Variants in PDGFC observed in about 807,000 individuals in gnomAD.
PDGFC encodes platelet derived growth factor C, also known as platelet-derived growth factor C.
Under a neutral mutation model 35.5 loss-of-function variants are expected in PDGFC, and 12 were observed. The observed-to-expected ratio is 0.34, with a 90% confidence interval of 0.22 to 0.55. The LOEUF is 0.55. PDGFC is among the 20% of genes least tolerant of loss of function. The probability of loss-of-function intolerance (pLI) is 0.91; values close to 1 mark genes in which losing one functional copy is unlikely to be tolerated. For missense variants in PDGFC, 322 were observed against 412.4 expected, an observed-to-expected ratio of 0.78 and a Z score of 1.90; for synonymous variants, 159 against 148.8, an observed-to-expected ratio of 1.07 and a Z score of -0.50.
At chr4:156,887,184 G>T (rs1730395983) in intron 1 of PDGFC, among the ~76,000 whole-genome samples, 1 of 152,112 alleles carries the variant, frequency 6.6e-6, no homozygotes, top group Non-Finnish European at 1.5e-5. Context: ...CATTCAGGAT[G>T]TTATATCATA....
chr4:156,765,321 CA>C, intron 5 of PDGFC, among the ~76,000 whole-genome samples: 1 of 152,202 alleles, frequency 6.6e-6, no homozygotes, highest in African/African-American at 2.4e-5. Context: ...GGCTAATGTT[CA>C]TCTCAGAAAA....
At chr4:156,863,430 C>T (rs1183686200) in intron 1 of PDGFC, among the ~76,000 whole-genome samples, 1 of 152,100 alleles carries the variant, frequency 6.6e-6, no homozygotes, top group Non-Finnish European at 1.5e-5. Context: ...TCAACTCAGC[C>T]CACTGAGTGT....
At chr4:156,852,356 C>T (rs140482899) in intron 1 of PDGFC, among the ~76,000 whole-genome samples, 81 of 152,184 alleles carry the variant, frequency 5.3e-4, no homozygotes, top group Admixed American at 1.8e-3. Context: ...TATGAAATGA[C>T]GACATTTCAG....
chr4:156,876,364 A>G lies in PDGFC; in HGVS notation c.119-25948T>C, dbSNP rs564515862. On this transcript the variant is annotated intron_variant, in intron 1 of 5. Coordinates refer to ENST00000502773, the MANE Select transcript of PDGFC (RefSeq NM_016205.3). Reference sequence around the variant, plus strand: ...AAAGATGTGTTTCCTTATTGAAAAAAGTTACTTGATCATTTGGACTATTGA... The same window carrying G: ...AAAGATGTGTTTCCTTATTGAAAAAGGTTACTTGATCATTTGGACTATTGA... 9.2e-5 allele frequency: 14 copies of G among 152,092 alleles called. No individual in the cohort carries two copies. The South Asian group carries it at 2.3e-3, about 25-fold the overall frequency. The allele number at this position is 152,092 out of a possible 1,614,324, so 9.4% of individuals were successfully genotyped here. A position where few individuals can be genotyped will look rare whatever the true frequency, so the allele number is the denominator to read the frequency against.
intron 2 of PDGFC, among the ~76,000 whole-genome samples, chr4:156,843,354 T>C (rs142894985): frequency 6.6e-6 from 1 of 152,242 alleles, no homozygotes; most frequent in Non-Finnish European, 1.5e-5. Context: ...CTGTGCTTTA[T>C]AAGCCACCCA....
chr4:156,881,912 C>T (rs1730253380), intron 1 of PDGFC, among the ~76,000 whole-genome samples: 1 of 151,260 alleles, frequency 6.6e-6, no homozygotes, highest in African/African-American at 2.4e-5. Context: ...ACATGACTTA[C>T]TCCTGCTTGC....
In PDGFC at chr4:156,912,639, G is replaced by A. The variant is rs895600616; in HGVS notation, c.118+58147C>T. Among the ~76,000 whole-genome samples, 12 of 152,058 alleles carry A rather than the reference G, an allele frequency of 7.9e-5. No individual in the cohort carries two copies. In the South Asian group the frequency reaches 1.7e-3, roughly 21 times the overall value. On this transcript the variant is annotated intron_variant, in intron 1 of 5. Transcript: ENST00000502773. ...TCTAGAAGTCCACTATGAATTAAGC[G>A]GGTTTCCTATGTCTACTTGAGATTT...
intron 2 of PDGFC, among the ~76,000 whole-genome samples, chr4:156,848,874 T>G (rs1729387122): frequency 6.6e-6 from 1 of 151,966 alleles, no homozygotes; most frequent in Non-Finnish European, 1.5e-5. Flanking sequence ...GAACTGGAAC[T>G]CTAGGAGAAA....
At chr4:156,847,916 T>C (rs1189299594) in intron 2 of PDGFC, among the ~76,000 whole-genome samples, 1 of 151,546 alleles carries the variant, frequency 6.6e-6, no homozygotes, top group Non-Finnish European at 1.5e-5. Flanking sequence ...AGACTACATA[T>C]AGAAACCCGA....
chr4:156,916,243 G>A (rs546263591), intron 1 of PDGFC, among the ~76,000 whole-genome samples: 1 of 152,194 alleles, frequency 6.6e-6, no homozygotes, highest in African/African-American at 2.4e-5. Flanking sequence ...AGACCCTGTT[G>A]CAAAAGGGCC....
Position 156,832,038 on chromosome 4 carries a change from A to T in PDGFC, c.314+18183T>A, listed in dbSNP as rs72974687. On this transcript the variant is annotated intron_variant, in intron 2 of 5. Coordinates refer to ENST00000502773, the MANE Select transcript of PDGFC (RefSeq NM_016205.3). ...ACTTCAAATAGTTTTCTCTTTTAAA[A>T]TTTTTTTTCTAGTTTCTCTCTTAAT... Among the ~76,000 whole-genome samples, 714 of 151,690 alleles carry T rather than the reference A, an allele frequency of 4.7e-3. 5 individuals carry two copies. Among genetic ancestry groups the T allele is most frequent in the African/African-American group, 0.016 (662 of 41,384 alleles).
At chr4:156,860,542 A>G (rs1057182014) in intron 1 of PDGFC, among the ~76,000 whole-genome samples, 2 of 152,164 alleles carry the variant, frequency 1.3e-5, no homozygotes, top group Non-Finnish European at 2.9e-5. Flanking sequence ...AGATATGAAC[A>G]AACACCTGAC....
chr4:156,971,578 T>C lies in PDGFC; in HGVS notation c.-675A>G, dbSNP rs1051327400. 2.1e-4 allele frequency among the ~76,000 whole-genome samples: 31 copies of C among 151,100 alleles called. 1 individual carries two copies. In the Middle Eastern group the frequency reaches 0.031, roughly 153 times the overall value. ...TCCCGCTCCTCAGCCCGGAGCGCAG[T>C]TGGCCCCGGGTTCGGAGCGCCGCAG... On this transcript the variant is annotated 5_prime_UTR_variant, in exon 1 of 6. Coordinates refer to ENST00000502773, the MANE Select transcript of PDGFC (RefSeq NM_016205.3).
At chr4:156,950,186 C>T (rs1732046277) in intron 1 of PDGFC, among the ~76,000 whole-genome samples, 1 of 151,782 alleles carries the variant, frequency 6.6e-6, no homozygotes, top group Admixed American at 6.6e-5. Flanking sequence ...CAGTTATCTG[C>T]CGAAAAGTAG....
intron 1 of PDGFC, among the ~76,000 whole-genome samples, chr4:156,853,258 T>TA (rs1729496851): frequency 6.6e-6 from 1 of 152,206 alleles, no homozygotes; most frequent in African/African-American, 2.4e-5. Context: ...GTTAACATTA[T>TA]TTCACATTAA....
chr4:156,943,865 A>G (rs572987267), intron 1 of PDGFC, among the ~76,000 whole-genome samples: 32 of 152,278 alleles, frequency 2.1e-4, no homozygotes, highest in African/African-American at 7.5e-4. Context: ...TCACTAAGCC[A>G]TATTTTCACA....
Position 156,942,904 on chromosome 4 carries a change from T to C in PDGFC, c.118+27882A>G, listed in dbSNP as rs1731843115. On this transcript the variant is annotated intron_variant, in intron 1 of 5. Transcript: ENST00000502773. ...TGAGATTTCTGCTTAGTAATATGTG[T>C]TAGACAGATACCATACAGATCTCAG... 3.9e-5 allele frequency among the ~76,000 whole-genome samples: 6 copies of C among 152,050 alleles called. No homozygotes were observed. In the South Asian group the frequency reaches 1.2e-3, roughly 31 times the overall value.
At chr4:156,957,182 G>T (rs939077790) in intron 1 of PDGFC, among the ~76,000 whole-genome samples, 4 of 151,988 alleles carry the variant, frequency 2.6e-5, no homozygotes, top group Admixed American at 2.6e-4. Flanking sequence ...TCTAAAAATA[G>T]AAGGCTTATC....
intron 1 of PDGFC, among the ~76,000 whole-genome samples, chr4:156,945,481 A>G (rs1400610163): frequency 6.7e-6 from 1 of 150,198 alleles, no homozygotes; most frequent in Non-Finnish European, 1.5e-5. Flanking sequence ...AAAAGGAAAA[A>G]CAGAAAAAAT....
Sources: gnomAD v4.1 joint callset for allele counts (sites outside exome capture counted in the v4.1 genomes callset) on GRCh38, gnomAD v4.1.1 for gene constraint, MANE v1.5 for transcripts, NCBI Gene and HGNC (gene_info 2026-07-23, HGNC 2026-07-21) for gene names.